NUMB: variants seen among roughly 807,000 people sequenced by gnomAD.
The protein encoded by NUMB is NUMB endocytic adaptor protein, also known as protein numb homolog.
Under a neutral mutation model 59.7 loss-of-function variants are expected in NUMB, and 29 were observed. That is an observed-to-expected ratio of 0.49 (90% confidence interval 0.36 to 0.66). The LOEUF is 0.66. NUMB is among the 30% of genes least tolerant of loss of function. The pLI is 0.00. For synonymous variants in NUMB, 288 were observed against 288.2 expected, an observed-to-expected ratio of 1.00 and a Z score of 0.01; for missense variants, 723 against 822.0, an observed-to-expected ratio of 0.88 and a Z score of 1.47.
intron 8 of NUMB, among the ~76,000 whole-genome samples, 178 bp downstream of exon 8, chr14:73,292,556 C>A (rs1158943353): frequency 6.6e-6 from 1 of 152,174 alleles, no homozygotes; most frequent in Admixed American, 6.6e-5. Flanking sequence ...TGAGTTGCAA[C>A]TCCTGGGGTT....
chr14:73,307,695 T>C (rs1011095082), intron 6 of NUMB, among the ~76,000 whole-genome samples: 2 of 150,052 alleles, frequency 1.3e-5, no homozygotes, highest in Admixed American at 6.7e-5. Context: ...CTGGAGGACA[T>C]GGGACAGTGA....
Position 73,296,522 on chromosome 14 carries a change from A to T in NUMB, c.309+689T>A, listed in dbSNP as rs564323767. Among the ~76,000 whole-genome samples the T allele has an allele frequency of 2.6e-5, 4 of 152,264 alleles. No homozygotes were observed. The East Asian group carries it at 7.7e-4, about 29-fold the overall frequency. ...TTAGACATGCTATGTCATGTAGAAC[A>T]ATATGTTGAGAGAATACTATTTCTC... On this transcript the variant is annotated intron_variant, in intron 7 of 12. Coordinates refer to ENST00000555238, the MANE Select transcript of NUMB (RefSeq NM_001005743.2).
chr14:73,446,157 C>T (rs1490454450), intron 1 of NUMB, among the ~76,000 whole-genome samples: 4 of 151,896 alleles, frequency 2.6e-5, no homozygotes, highest in African/African-American at 7.3e-5. Context: ...CCACCACACC[C>T]GGCTAATTTT....
intron 1 of NUMB, among the ~76,000 whole-genome samples, chr14:73,457,347 G>A (rs1419090606): frequency 6.6e-6 from 1 of 152,074 alleles, no homozygotes; most frequent in East Asian, 1.9e-4. Context: ...CTTGCTTTTA[G>A]GAGCTTTGCT....
intron 1 of NUMB, among the ~76,000 whole-genome samples, chr14:73,454,644 T>C (rs554212298): frequency 6.6e-6 from 1 of 152,296 alleles, no homozygotes; most frequent in Non-Finnish European, 1.5e-5. Flanking sequence ...TATGTGAAAC[T>C]GAGTCTCACT....
At chr14:73,384,683 T>G (rs1895410283) in intron 2 of NUMB, among the ~76,000 whole-genome samples, 1 of 152,132 alleles carries the variant, frequency 6.6e-6, no homozygotes, top group Non-Finnish European at 1.5e-5. Context: ...TCCTCCCACC[T>G]CAGCCTTCCA....
chr14:73,369,380 T>C (rs1894553785), intron 2 of NUMB, among the ~76,000 whole-genome samples: 1 of 152,192 alleles, frequency 6.6e-6, no homozygotes. Flanking sequence ...ATAATAGCCA[T>C]ATCTTCAATT....
chr14:73,432,191 G>A (rs1897861849), intron 1 of NUMB, among the ~76,000 whole-genome samples: 1 of 152,088 alleles, frequency 6.6e-6, no homozygotes, highest in South Asian at 2.1e-4. Flanking sequence ...GAATTTTAAA[G>A]GTTAGGAGAG....
At chr14:73,448,049 G>A (rs1297173022) in intron 1 of NUMB, among the ~76,000 whole-genome samples, 1 of 152,028 alleles carries the variant, frequency 6.6e-6, no homozygotes, top group Middle Eastern at 3.4e-3. Context: ...CGCCTGCCTC[G>A]GCCTCCCAAA....
intron 2 of NUMB, among the ~76,000 whole-genome samples, chr14:73,380,340 G>A (rs770775903): frequency 6.6e-6 from 1 of 152,160 alleles, no homozygotes; most frequent in Non-Finnish European, 1.5e-5. Context: ...GAATGGAGTT[G>A]CCATTTATTG....
intron 1 of NUMB, among the ~76,000 whole-genome samples, chr14:73,434,025 C>T (rs1897944533): frequency 6.6e-6 from 1 of 151,990 alleles, no homozygotes. Context: ...ACCTGGGAGG[C>T]GGAGGTCACA....
At chr14:73,433,180 G>C (rs1404256225) in intron 1 of NUMB, among the ~76,000 whole-genome samples, 1 of 151,790 alleles carries the variant, frequency 6.6e-6, no homozygotes, top group Non-Finnish European at 1.5e-5. Flanking sequence ...CCAGCACTTT[G>C]GGAGGCCAAG....
chr14:73,285,746 C>T (rs1433539467), intron 9 of NUMB, among the ~76,000 whole-genome samples: 2 of 151,622 alleles, frequency 1.3e-5, no homozygotes, highest in Non-Finnish European at 2.9e-5. Flanking sequence ...GCCAACATGG[C>T]GAAAGTCCAT....
intron 2 of NUMB, among the ~76,000 whole-genome samples, chr14:73,397,127 C>T (rs769196915): frequency 2.0e-4 from 30 of 150,674 alleles, no homozygotes; most frequent in Admixed American, 6.0e-4. Context: ...TATGCCGTCT[C>T]AAAAAAACAA....
At chr14:73,290,692 G>T (rs1456624652) in intron 8 of NUMB, among the ~76,000 whole-genome samples, 1 of 152,146 alleles carries the variant, frequency 6.6e-6, no homozygotes, top group Non-Finnish European at 1.5e-5. Flanking sequence ...TACAGTTTGA[G>T]TATCTCTTTT....
At chr14:73,281,519 A>G (rs1023483109) in intron 11 of NUMB, 4 of 152,250 alleles carry the variant, frequency 2.6e-5, no homozygotes, top group African/African-American at 9.6e-5. Context: ...TCTCTGGAGT[A>G]AAACTTCCGC....
At chr14:73,453,614 T>C (rs1884144987) in intron 1 of NUMB, among the ~76,000 whole-genome samples, 1 of 151,990 alleles carries the variant, frequency 6.6e-6, no homozygotes, top group African/African-American at 2.4e-5. Flanking sequence ...ATTTTCCTTT[T>C]TTTTTTTTTT....
chr14:73,426,124 T>C (rs1026449597), intron 1 of NUMB, among the ~76,000 whole-genome samples: 5 of 152,046 alleles, frequency 3.3e-5, no homozygotes, highest in Non-Finnish European at 7.4e-5. Flanking sequence ...ATTTTAAAGA[T>C]GAGAAAATGT....
intron 3 of NUMB, among the ~76,000 whole-genome samples, chr14:73,362,717 T>A (rs552924865): frequency 8.1e-4 from 124 of 152,252 alleles, no homozygotes; most frequent in African/African-American, 2.7e-3. Flanking sequence ...ATTACAGGTG[T>A]GAGCTACTGC....
Sources: gnomAD v4.1 joint callset for allele counts (sites outside exome capture counted in the v4.1 genomes callset) on GRCh38, gnomAD v4.1.1 for gene constraint, MANE v1.5 for transcripts, NCBI Gene and HGNC (gene_info 2026-07-23, HGNC 2026-07-21) for gene names.